Variants in CTIF observed in about 807,000 individuals in gnomAD.
The protein encoded by CTIF is CBP80/20-dependent translation initiation factor.
A neutral mutation model predicts 66.0 loss-of-function variants in CTIF; 21 were observed. That is an observed-to-expected ratio of 0.32 (90% CI 0.23 to 0.46). CTIF has a LOEUF of 0.46. Among genes scored for constraint, CTIF ranks in the 20% least tolerant of loss-of-function variants. The probability of loss-of-function intolerance (pLI) is 1.00; values close to 1 mark genes in which losing one functional copy is unlikely to be tolerated. For synonymous variants in CTIF, 345 were observed against 326.4 expected (o/e 1.06, Z -0.62); for missense variants, 739 against 812.7 (o/e 0.91, Z 1.10).
chr18:48,583,757 G>A (rs1157390526), intron 1 of CTIF, among the ~76,000 whole-genome samples: 2 of 152,202 alleles, frequency 1.3e-5, no homozygotes, highest in African/African-American at 4.8e-5. Flanking sequence ...GCAGGTGGCA[G>A]GGGCAGCCTG....
intron 3 of CTIF, among the ~76,000 whole-genome samples, chr18:48,649,704 G>A (rs1598803302): frequency 6.6e-6 from 1 of 152,168 alleles, no homozygotes; most frequent in East Asian, 1.9e-4. Flanking sequence ...CCCAGTAGGG[G>A]CCGACTGACA....
chr18:48,716,041 T>C (rs1380645279), intron 7 of CTIF, among the ~76,000 whole-genome samples: 2 of 152,124 alleles, frequency 1.3e-5, no homozygotes, highest in African/African-American at 4.8e-5. Flanking sequence ...GTCCTAGGGG[T>C]TGGCAGCTGA....
chr18:48,764,568 G>A (rs1361604973), intron 9 of CTIF, among the ~76,000 whole-genome samples: 1 of 152,146 alleles, frequency 6.6e-6, no homozygotes, highest in Non-Finnish European at 1.5e-5. Context: ...CGGGCTAGGG[G>A]CCTGCAGGGA....
intron 1 of CTIF, among the ~76,000 whole-genome samples, chr18:48,597,226 G>A (rs1360859034): frequency 6.6e-6 from 1 of 152,218 alleles, no homozygotes; most frequent in Non-Finnish European, 1.5e-5. Flanking sequence ...GGAAAAGGAG[G>A]AAGACATAGA....
chr18:48,752,698 G>A (rs963541370), intron 7 of CTIF, among the ~76,000 whole-genome samples: 1 of 152,192 alleles, frequency 6.6e-6, no homozygotes, highest in Non-Finnish European at 1.5e-5. Context: ...GAGTGGCACA[G>A]TGCCAGGCTC....
rs972864353 is a variant in CTIF at position 48,586,522 on chromosome 18, C to T, written c.-28-33016C>T. On this transcript the variant is annotated intron_variant, in intron 1 of 11. Coordinates refer to ENST00000256413, the MANE Select transcript of CTIF (RefSeq NM_014772.3). Reference sequence around the variant, plus strand: ...CTGACCTCAAGTGATCTGCCCACCTCGGCCTCCCAAAGTGCTGGGATTATA... The same window carrying T: ...CTGACCTCAAGTGATCTGCCCACCTTGGCCTCCCAAAGTGCTGGGATTATA... Among the ~76,000 whole-genome samples the T allele has an allele frequency of 9.2e-5, 14 of 152,296 alleles. No individual in the cohort carries two copies. In the East Asian group the frequency reaches 1.4e-3, roughly 15 times the overall value.
intron 9 of CTIF, among the ~76,000 whole-genome samples, chr18:48,774,494 C>A (rs1463307386): frequency 1.3e-5 from 2 of 152,122 alleles, no homozygotes; most frequent in Non-Finnish European, 2.9e-5. Context: ...CAGGGAGGAA[C>A]CTGCAGGGAA....
intron 2 of CTIF, among the ~76,000 whole-genome samples, chr18:48,627,771 G>GA (rs1454709746): frequency 6.7e-6 from 1 of 149,990 alleles, no homozygotes; most frequent in Non-Finnish European, 1.5e-5. Flanking sequence ...GACAGGGTTG[G>GA]GGGGGAGGGT....
intron 6 of CTIF, among the ~76,000 whole-genome samples, chr18:48,690,427 G>A (rs113194577): frequency 3.3e-5 from 5 of 152,142 alleles, no homozygotes; most frequent in South Asian, 4.1e-4. Context: ...CTTCCATCAC[G>A]TGGAAGACAA....
At chr18:48,608,677 A>G (rs2090251763) in intron 1 of CTIF, among the ~76,000 whole-genome samples, 1 of 152,140 alleles carries the variant, frequency 6.6e-6, no homozygotes, top group Non-Finnish European at 1.5e-5. Context: ...ATAGCACAAG[A>G]CCACCTGGAC....
At chr18:48,654,562 G>C (rs2091212152) in intron 3 of CTIF, among the ~76,000 whole-genome samples, 2 of 152,240 alleles carry the variant, frequency 1.3e-5, no homozygotes, top group Non-Finnish European at 1.5e-5. Context: ...GGAAGACAGT[G>C]TGGTGATTCC....
At chr18:48,712,136 T>C (rs560269370) in intron 7 of CTIF, among the ~76,000 whole-genome samples, 98 of 152,266 alleles carry the variant, frequency 6.4e-4, no homozygotes, top group African/African-American at 2.3e-3. Context: ...TCCCTGGTCA[T>C]TGGGGGTTGT....
intron 10 of CTIF, among the ~76,000 whole-genome samples, chr18:48,853,590 G>GTATC (rs2069258072): frequency 6.6e-6 from 1 of 152,192 alleles, no homozygotes; most frequent in Non-Finnish European, 1.5e-5. Context: ...TCTTTTCTGT[G>GTATC]TATCTGCTGC....
chr18:48,545,373 C>A (rs1032751769), intron 1 of CTIF, among the ~76,000 whole-genome samples: 1 of 151,744 alleles, frequency 6.6e-6, no homozygotes, highest in South Asian at 2.1e-4. Flanking sequence ...GGCCATGGGA[C>A]TGGTGAGGCA....
intron 3 of CTIF, among the ~76,000 whole-genome samples, chr18:48,651,522 C>G (rs1347518211): frequency 6.6e-6 from 1 of 152,172 alleles, no homozygotes; most frequent in Non-Finnish European, 1.5e-5. Context: ...TAACGGGAGA[C>G]TTTAACACCG....
intron 10 of CTIF, 24 bp downstream of exon 10, chr18:48,817,400 C>G (rs761817378): frequency 1.4e-5 from 22 of 1,593,706 alleles, no homozygotes; most frequent in Admixed American, 6.8e-5. Flanking sequence ...CGCCTGTGCC[C>G]CCTGCACAGC....
intron 10 of CTIF, among the ~76,000 whole-genome samples, chr18:48,821,749 T>G (rs1027624619): frequency 6.6e-6 from 1 of 152,284 alleles, no homozygotes; most frequent in Non-Finnish European, 1.5e-5. Context: ...GTCTCCTTGC[T>G]CTGCTATTTA....
intron 6 of CTIF, among the ~76,000 whole-genome samples, chr18:48,697,588 T>A (rs1320174002): frequency 6.6e-6 from 1 of 152,210 alleles, no homozygotes; most frequent in Non-Finnish European, 1.5e-5. Context: ...CAGATGGTCC[T>A]TAAAGATCAG....
rs116464509 is a variant in CTIF, at chr18:48,794,547, A to G, written c.1372-22674A>G. 6.0e-3 allele frequency among the ~76,000 whole-genome samples: 908 copies of G among 152,292 alleles called. 7 individuals are homozygous for G. The highest frequency in any genetic ancestry group is 0.02 in the African/African-American group (811 of 41,548). On this transcript the variant is annotated intron_variant, in intron 9 of 11. Coordinates refer to ENST00000256413, the MANE Select transcript of CTIF (RefSeq NM_014772.3). ...GGCTCTGGCTGAGTAGTGGGGATTG[A>G]CATTTCAGTAGCCAACTGCCTGAGG...
Sources: gnomAD v4.1 joint callset for allele counts (sites outside exome capture counted in the v4.1 genomes callset) on GRCh38, gnomAD v4.1.1 for gene constraint, MANE v1.5 for transcripts, NCBI Gene and HGNC (gene_info 2026-07-23, HGNC 2026-07-21) for gene names.